Variants in PKHD1 observed in about 807,000 individuals in gnomAD.
PKHD1 encodes the protein fibrocystin.
A neutral mutation model predicts 412.0 loss-of-function variants in PKHD1; 291 were observed. The observed-to-expected ratio is 0.71, with a 90% confidence interval of 0.64 to 0.78. The LOEUF (loss-of-function observed/expected upper bound fraction) is 0.78, where lower values mean the gene tolerates loss of function less well. PKHD1 is among the 30% of genes least tolerant of loss of function. PKHD1 has a pLI of 0.00. For synonymous variants in PKHD1, 1,777 were observed against 1,821.5 expected (o/e 0.98, Z 0.62); for missense variants, 4,825 against 4,950.7 (o/e 0.97, Z 0.76).
intron 60 of PKHD1, among the ~76,000 whole-genome samples, chr6:51,665,394 T>G (rs763575453): frequency 6.6e-6 from 1 of 152,124 alleles, no homozygotes; most frequent in Non-Finnish European, 1.5e-5. Context: ...ATCAGATATA[T>G]TATTGTGGAT....
At chr6:51,936,569 T>C (rs919571814) in intron 36 of PKHD1, among the ~76,000 whole-genome samples, 10 of 152,198 alleles carry the variant, frequency 6.6e-5, no homozygotes, top group African/African-American at 2.4e-4. Context: ...AAAATGACTT[T>C]AGTCATTATC....
chr6:51,672,039 T>C (rs1316815239), intron 60 of PKHD1, among the ~76,000 whole-genome samples: 2 of 152,222 alleles, frequency 1.3e-5, no homozygotes, highest in Non-Finnish European at 2.9e-5. Context: ...TGAGCTGTAA[T>C]ACTTGAATAA....
At chr6:51,751,277 C>G in intron 57 of PKHD1, among the ~76,000 whole-genome samples, 1 of 152,074 alleles carries the variant, frequency 6.6e-6, no homozygotes, top group East Asian at 1.9e-4. Flanking sequence ...GTACCCATAT[C>G]TGCCATCCCT....
At chr6:52,074,208 C>T (rs1811038029) in intron 6 of PKHD1, among the ~76,000 whole-genome samples, 1 of 152,154 alleles carries the variant, frequency 6.6e-6, no homozygotes, top group African/African-American at 2.4e-5. Context: ...GAAGACTGAG[C>T]CTCTTTATAG....
At chr6:52,048,458 G>C (rs1264347308) in intron 23 of PKHD1, 34 bp downstream of exon 23, 2 of 1,608,554 alleles carry the variant, frequency 1.2e-6, no homozygotes, top group Non-Finnish European at 1.7e-6. Flanking sequence ...GAATATGTGA[G>C]TGAGAATTGT....
chr6:51,739,859 C>T, intron 60 of PKHD1: 1 of 316,550 alleles, frequency 3.2e-6, no homozygotes, highest in Non-Finnish European at 6.8e-6. Flanking sequence ...CTGCTGCCTC[C>T]TGACACTGCT....
chr6:51,672,501 G>A (rs1775169335), intron 60 of PKHD1, among the ~76,000 whole-genome samples: 1 of 152,214 alleles, frequency 6.6e-6, no homozygotes, highest in South Asian at 2.1e-4. Context: ...GCATGTAAGT[G>A]AAGAGCCTGA....
chr6:51,987,381 C>CACTTCT (rs1417303469), intron 35 of PKHD1, among the ~76,000 whole-genome samples: 1 of 152,200 alleles, frequency 6.6e-6, no homozygotes, highest in Non-Finnish European at 1.5e-5. Context: ...TAAAAACCTT[C>CACTTCT]ACTTCTATAC....
intron 60 of PKHD1, among the ~76,000 whole-genome samples, chr6:51,710,188 C>T (rs746029329): frequency 7.2e-5 from 11 of 151,902 alleles, no homozygotes; most frequent in Non-Finnish European, 1.0e-4. Flanking sequence ...CCAGCCTGAG[C>T]GACAGAGCAA....
At chr6:51,637,091 G>T (rs1768677945) in intron 64 of PKHD1, among the ~76,000 whole-genome samples, 1 of 152,166 alleles carries the variant, frequency 6.6e-6, no homozygotes, top group Non-Finnish European at 1.5e-5. Flanking sequence ...AGAAGTTTCT[G>T]TCTACAATAC....
chr6:51,966,019 T>C (rs1209403741), intron 35 of PKHD1, among the ~76,000 whole-genome samples: 1 of 152,192 alleles, frequency 6.6e-6, no homozygotes, highest in Non-Finnish European at 1.5e-5. Flanking sequence ...GATTACTTAA[T>C]ATTTCTAATG....
chr6:51,765,515 C>T (rs1295014041), intron 55 of PKHD1, among the ~76,000 whole-genome samples: 1 of 152,110 alleles, frequency 6.6e-6, no homozygotes, highest in South Asian at 2.1e-4. Context: ...CCCCTACCCC[C>T]ACCCTAGGCC....
rs1427690454 is a variant in PKHD1, at chr6:52,024,995, T to C, written c.4815A>G (p.Ser1605=). ...GTGLRGQNTT[S]VYIDQQTCLT... Reference sequence around the variant, plus strand: ...GGCAGGTCTGCTGGTCAATATAGACTGACGTGGTGTTCTGTCCTCTCAGGC... The same window carrying C: ...GGCAGGTCTGCTGGTCAATATAGACCGACGTGGTGTTCTGTCCTCTCAGGC... Residue 1605 remains serine, a synonymous_variant, in exon 32 of 67, where the codon TCA becomes TCG. Transcript: ENST00000371117. 1.2e-6 allele frequency: 2 copies of C among 1,614,248 alleles called. No individual in the cohort carries two copies. The highest frequency in any genetic ancestry group is 3.3e-5 in the Admixed American group (2 of 60,034).
At chr6:52,073,329 A>G (rs1192492919) in intron 7 of PKHD1, 134 bp downstream of exon 7, 1 of 767,096 alleles carries the variant, frequency 1.3e-6, no homozygotes, top group African/African-American at 1.7e-5. Flanking sequence ...CTCATGAGGG[A>G]CCATAAACTG....
At chr6:51,648,211 T>C in intron 62 of PKHD1, 93 bp from the exon 63 acceptor site, 2 of 750,376 alleles carry the variant, frequency 2.7e-6, no homozygotes. Flanking sequence ...TATTTGCTTT[T>C]ATAAAGCATA....
intron 60 of PKHD1, among the ~76,000 whole-genome samples, chr6:51,676,084 T>G (rs573875129): frequency 1.3e-5 from 2 of 152,166 alleles, no homozygotes; most frequent in South Asian, 4.2e-4. Context: ...TGTGTGTGAG[T>G]GCATGTGTAG....
chr6:51,817,981 A>G (rs1038297857), intron 52 of PKHD1, among the ~76,000 whole-genome samples: 8 of 152,222 alleles, frequency 5.3e-5, no homozygotes, highest in African/African-American at 1.4e-4. Context: ...TAAGCCTGAC[A>G]AAAACCCAGC....
intron 53 of PKHD1, among the ~76,000 whole-genome samples, chr6:51,783,399 T>TATTTATTTTATATTATTTAAATAATAC (rs148216729): frequency 0.57 from 82,774 of 146,222 alleles, 24,433 homozygotes; most frequent in East Asian, 0.82. Context: ...TTAAATACTA[T>TATTTATTTTATATTATTTAAATAATAC]ATTTATTTTA....
rs899718713 is a variant in PKHD1 at position 51,618,215 on chromosome 6, A to G, written c.*866T>C. 1 of 152,376 alleles carries G rather than the reference A, an allele frequency of 6.6e-6. No homozygotes were observed. 9.4% of individuals were successfully genotyped at this position (152,376 alleles called of 1,614,324 possible). ...TCTCCTTAGTATCACAGCTTTATGCATCATCTTCTCCAAAAAGCAGCTTTT... is the reference window on the plus strand; with the variant it reads ...TCTCCTTAGTATCACAGCTTTATGCGTCATCTTCTCCAAAAAGCAGCTTTT... On this transcript the variant is annotated 3_prime_UTR_variant, in exon 67 of 67. Transcript: ENST00000371117.
Sources: gnomAD v4.1 joint callset for allele counts (sites outside exome capture counted in the v4.1 genomes callset) on GRCh38, gnomAD v4.1.1 for gene constraint, MANE v1.5 for transcripts, NCBI Gene and HGNC (gene_info 2026-07-23, HGNC 2026-07-21) for gene names.